Variants in CASQ2 observed in about 807,000 individuals in gnomAD.
CASQ2 encodes calsequestrin-2.
CASQ2 carries 49 observed loss-of-function variants against 46.5 expected under a neutral mutation model. The observed-to-expected ratio is 1.05, with a 90% CI of 0.84 to 1.34. The LOEUF is 1.34. Among genes scored for constraint, CASQ2 ranks in the 40% most tolerant of loss-of-function variants. The pLI, the probability that CASQ2 is intolerant of heterozygous loss-of-function variation, is 0.00. For missense variants in CASQ2, 486 were observed against 481.3 expected, an observed-to-expected ratio of 1.01 and a Z score of -0.09; for synonymous variants, 174 against 168.5, an observed-to-expected ratio of 1.03 and a Z score of -0.25.
chr1:115,763,204 AG>A (rs1649021762), intron 1 of CASQ2, among the ~76,000 whole-genome samples: 1 of 152,184 alleles, frequency 6.6e-6, no homozygotes, highest in African/African-American at 2.4e-5. Flanking sequence ...TAAGGTAGAA[AG>A]GATTAGAAGG....
chr1:115,748,086 T>C (rs1363437255), intron 1 of CASQ2, among the ~76,000 whole-genome samples: 4 of 152,342 alleles, frequency 2.6e-5, no homozygotes, highest in African/African-American at 9.6e-5. Flanking sequence ...TTTTTGCTTT[T>C]TGTACTTTTC....
chr1:115,760,410 G>A (rs953503675), intron 1 of CASQ2, among the ~76,000 whole-genome samples: 3 of 152,114 alleles, frequency 2.0e-5, no homozygotes, highest in Admixed American at 1.3e-4. Context: ...TCTGGGGTCC[G>A]CCTTTTTATT....
At chr1:115,759,378 G>T (rs1027079391) in intron 1 of CASQ2, among the ~76,000 whole-genome samples, 1 of 152,208 alleles carries the variant, frequency 6.6e-6, no homozygotes, top group Non-Finnish European at 1.5e-5. Flanking sequence ...GAGGGAACAG[G>T]TTGTTTAAAA....
intron 1 of CASQ2, among the ~76,000 whole-genome samples, chr1:115,752,899 G>A (rs1292824793): frequency 6.6e-6 from 1 of 152,214 alleles, no homozygotes; most frequent in African/African-American, 2.4e-5. Flanking sequence ...GACCAAGACA[G>A]TGTCAGTGGG....
intron 7 of CASQ2, among the ~76,000 whole-genome samples, chr1:115,720,821 T>C (rs999879350): frequency 1.2e-4 from 18 of 152,220 alleles, no homozygotes; most frequent in Admixed American, 5.9e-4. Flanking sequence ...ACAGCAATGT[T>C]AGCTTTTATA....
At chr1:115,766,104 C>A (rs1258187590) in intron 1 of CASQ2, among the ~76,000 whole-genome samples, 1 of 152,228 alleles carries the variant, frequency 6.6e-6, no homozygotes, top group Admixed American at 6.5e-5. Flanking sequence ...TTTGCATGAG[C>A]AGCGCCTCCA....
chr1:115,736,331 C>T (rs192764405), intron 4 of CASQ2, among the ~76,000 whole-genome samples: 3 of 151,898 alleles, frequency 2.0e-5, no homozygotes, highest in Admixed American at 1.3e-4. Context: ...AGCATAAAAC[C>T]TAATATCAAA....
chr1:115,734,160 A>T (rs756992385), intron 4 of CASQ2, among the ~76,000 whole-genome samples: 11 of 152,222 alleles, frequency 7.2e-5, no homozygotes, highest in Admixed American at 2.0e-4. Context: ...GATATCCTGT[A>T]ACATCATAGC....
At chr1:115,716,947 C>A (rs1053726311) in intron 8 of CASQ2, among the ~76,000 whole-genome samples, 2 of 152,178 alleles carry the variant, frequency 1.3e-5, no homozygotes, top group African/African-American at 4.8e-5. Flanking sequence ...GGAGGTGGGG[C>A]CTGGTGGGAG....
chr1:115,700,883 A>G lies in CASQ2; in HGVS notation c.*358T>C. 3 of 587,272 alleles carry G rather than the reference A, an allele frequency of 5.1e-6. No homozygotes were observed. The highest frequency in any genetic ancestry group is 9.0e-6 in the Non-Finnish European group (3 of 332,146). 36.4% of individuals were successfully genotyped at this position (587,272 alleles called of 1,614,324 possible). A position where few individuals can be genotyped will look rare whatever the true frequency, so the allele number is the denominator to read the frequency against. ...GAGTTAGAAAGCTGTCAATTTTGTT[A>G]CTGTCATAATCAAAGACAAGTAAAC... is the stretch of plus-strand genomic sequence containing the variant. On this transcript the variant is annotated 3_prime_UTR_variant, in exon 11 of 11. Transcript: ENST00000261448.
At chr1:115,727,264 C>A in intron 5 of CASQ2, 142 bp from the exon 6 acceptor site, 3 of 682,228 alleles carry the variant, frequency 4.4e-6, no homozygotes, top group South Asian at 1.6e-5. Context: ...GTTGAAGTGA[C>A]AGGAACTTAT....
rs901338064 is a variant in CASQ2 at position 115,719,831 on chromosome 1, T to C, written c.784-1937A>G. 3.9e-5 allele frequency among the ~76,000 whole-genome samples: 6 copies of C among 152,220 alleles called. No homozygotes were observed. In the East Asian group the frequency reaches 5.8e-4, roughly 15 times the overall value. On this transcript the variant is annotated intron_variant, in intron 7 of 10. Coordinates refer to ENST00000261448, the MANE Select transcript of CASQ2 (RefSeq NM_001232.4). ...TCCCACAGCCTTTGCTACCCAGATCTCTCATTTGGTCTTTAGGTTGTCTTG... is the reference window on the plus strand; with the variant it reads ...TCCCACAGCCTTTGCTACCCAGATCCCTCATTTGGTCTTTAGGTTGTCTTG...
At chr1:115,750,595 A>ATTCAGTGATTCAG (rs1467311759) in intron 1 of CASQ2, among the ~76,000 whole-genome samples, 4 of 151,960 alleles carry the variant, frequency 2.6e-5, no homozygotes, top group Non-Finnish European at 5.9e-5. Flanking sequence ...TGAAGCCTTG[A>ATTCAGTGATTCAG]CCTCCCAGGT....
intron 2 of CASQ2, among the ~76,000 whole-genome samples, chr1:115,741,143 A>G (rs1351333278): frequency 2.6e-5 from 4 of 152,206 alleles, no homozygotes; most frequent in African/African-American, 9.7e-5. Flanking sequence ...AAGAATTGTA[A>G]TGGCCACTGC....
At chr1:115,713,674 C>G (rs1459615059) in intron 8 of CASQ2, among the ~76,000 whole-genome samples, 2 of 152,184 alleles carry the variant, frequency 1.3e-5, no homozygotes, top group African/African-American at 4.8e-5. Context: ...TCTTCCCTAA[C>G]TAGGCTCTCA....
At position 115,701,400 on chromosome 1, in the gene CASQ2, T is replaced by A. The variant is rs746635989; in HGVS notation, c.1041A>T (p.Pro347=). ...TDADSVWMEI[P]DDDDLPTAEE... ...CAGCAGTTGGAAGATCGTCATCATCTGGAATCTCCATCCAGACACTGTCAG... is the reference window on the plus strand; with the variant it reads ...CAGCAGTTGGAAGATCGTCATCATCAGGAATCTCCATCCAGACACTGTCAG... The change falls in exon 11 of 11, where the codon CCA becomes CCT. Residue 347 remains proline, a synonymous_variant. Coordinates refer to ENST00000261448, the MANE Select transcript of CASQ2 (RefSeq NM_001232.4). 6.2e-7 allele frequency: 1 copy of A among 1,613,730 alleles called. No individual in the cohort carries two copies. The highest frequency in any genetic ancestry group is 8.5e-7 in the Non-Finnish European group (1 of 1,179,648).
At chr1:115,748,683 C>T (rs754351467) in intron 1 of CASQ2, among the ~76,000 whole-genome samples, 1 of 152,170 alleles carries the variant, frequency 6.6e-6, no homozygotes, top group Non-Finnish European at 1.5e-5. Flanking sequence ...CACTCTATTG[C>T]ATTTAATCTG....
intron 1 of CASQ2, among the ~76,000 whole-genome samples, chr1:115,758,940 A>C (rs1367112431): frequency 6.6e-6 from 1 of 152,226 alleles, no homozygotes; most frequent in African/African-American, 2.4e-5. Flanking sequence ...GTACTGCAAG[A>C]AGGGGTGTCA....
chr1:115,734,972 A>G (rs1179048317), intron 4 of CASQ2, among the ~76,000 whole-genome samples: 2 of 152,250 alleles, frequency 1.3e-5, no homozygotes, highest in Non-Finnish European at 2.9e-5. Flanking sequence ...AAATAAGTGT[A>G]CACAATTAAA....
Sources: gnomAD v4.1 joint callset for allele counts (sites outside exome capture counted in the v4.1 genomes callset) on GRCh38, gnomAD v4.1.1 for gene constraint, MANE v1.5 for transcripts, NCBI Gene and HGNC (gene_info 2026-07-23, HGNC 2026-07-21) for gene names.